GABRG1: variants seen among roughly 807,000 people sequenced by gnomAD.
The protein encoded by GABRG1 is gamma-aminobutyric acid type A receptor subunit gamma1.
In GABRG1, 49 loss-of-function variants were observed where a neutral mutation model predicts 49.8. The ratio of observed to expected loss-of-function variants is 0.98; its 90% CI spans 0.78 to 1.25. The LOEUF is 1.25. GABRG1 is among the 50% of genes most tolerant of loss of function. The probability of loss-of-function intolerance (pLI) is 0.00; values close to 1 mark genes in which losing one functional copy is unlikely to be tolerated. For missense variants in GABRG1, 552 were observed against 552.3 expected (o/e 1.00, Z 0.01); for synonymous variants, 232 against 185.1 (o/e 1.25, Z -2.06).
intron 1 of GABRG1, among the ~76,000 whole-genome samples, chr4:46,099,703 A>T (rs1720310201): frequency 6.6e-6 from 1 of 151,702 alleles, no homozygotes; most frequent in Admixed American, 6.6e-5. Context: ...CCCTCAAGTT[A>T]AGTATATCAC....
At chr4:46,087,545 T>C (rs1313232422) in intron 2 of GABRG1, among the ~76,000 whole-genome samples, 1 of 151,718 alleles carries the variant, frequency 6.6e-6, no homozygotes, top group African/African-American at 2.4e-5. Context: ...AATTTTTCAA[T>C]AGTAAATAAA....
chr4:46,063,615 C>T (rs558286474), intron 5 of GABRG1, among the ~76,000 whole-genome samples: 122 of 152,214 alleles, frequency 8.0e-4, no homozygotes, highest in African/African-American at 2.8e-3. Context: ...AGGATATAGG[C>T]ATGGGCAAGG....
In GABRG1 at chr4:46,039,274, G is replaced by A. The variant is rs1030615168; in HGVS notation, c.*1714C>T. On this transcript the variant is annotated 3_prime_UTR_variant, in exon 9 of 9. Transcript: ENST00000295452. Reference sequence around the variant, plus strand: ...GAAAAGCAGTGTCGGTGGATATTGGGCATTACCATTTGATTCATGCTTATT... The same window carrying A: ...GAAAAGCAGTGTCGGTGGATATTGGACATTACCATTTGATTCATGCTTATT... 2 of 150,938 alleles carry A rather than the reference G, an allele frequency of 1.3e-5. No homozygotes were observed. Among genetic ancestry groups the A allele is most frequent in the Non-Finnish European group, 3.0e-5 (2 of 67,652 alleles). The allele number at this position is 150,938 out of a possible 1,614,324, so 9.3% of individuals were successfully genotyped here. A position where few individuals can be genotyped will look rare whatever the true frequency, so the allele number is the denominator to read the frequency against.
intron 7 of GABRG1, among the ~76,000 whole-genome samples, chr4:46,057,727 A>T (rs1456684022): frequency 6.6e-6 from 1 of 152,138 alleles, no homozygotes; most frequent in East Asian, 1.9e-4. Flanking sequence ...CACAGAAGCC[A>T]GGGAGCGTCT....
intron 5 of GABRG1, among the ~76,000 whole-genome samples, chr4:46,060,261 G>A (rs1718624806): frequency 6.7e-6 from 1 of 149,304 alleles, no homozygotes; most frequent in South Asian, 2.1e-4. Context: ...GGTTGTATGT[G>A]TGTGTGTGTG....
At chr4:46,058,421 T>C (rs777219393) in intron 6 of GABRG1, 52 bp from the exon 7 acceptor site, 33 of 1,594,740 alleles carry the variant, frequency 2.1e-5, no homozygotes, top group Non-Finnish European at 2.7e-5. Flanking sequence ...TCACAATCCA[T>C]ATATTTAAAA....
At chr4:46,119,048 C>T (rs763658403) in intron 1 of GABRG1, among the ~76,000 whole-genome samples, 3 of 150,980 alleles carry the variant, frequency 2.0e-5, no homozygotes, top group Non-Finnish European at 4.5e-5. Flanking sequence ...CCATTCAATT[C>T]CTCAGTAAAC....
chr4:46,051,501 C>T lies in GABRG1; in HGVS notation c.1054G>A (p.Gly352Arg). The T allele has an allele frequency of 1.2e-6, 2 of 1,611,254 alleles. No homozygotes were observed. The highest frequency in any genetic ancestry group is 1.7e-6 in the Non-Finnish European group (2 of 1,178,394). Residue 352 changes from glycine (G) to arginine (R), a missense_variant, in exon 8 of 9, where the codon GGA becomes AGA. Coordinates refer to ENST00000295452, the MANE Select transcript of GABRG1 (RefSeq NM_173536.4). ...IFVFAALMEY[G>R]TLHYFTSNQK... ...TTGCTGGTAAAATAATGCAAGGTTC[C>T]ATATTCCATCAAGGCTGCAAAAACA...
At chr4:46,053,530 G>T (rs1009120016) in intron 7 of GABRG1, among the ~76,000 whole-genome samples, 4 of 151,748 alleles carry the variant, frequency 2.6e-5, no homozygotes, top group African/African-American at 7.3e-5. Context: ...TATGGTAAAG[G>T]CTAAAAAAAT....
chr4:46,118,070 G>GTGTGTATATATATACATATGTATACATA (rs2109446646), intron 1 of GABRG1, among the ~76,000 whole-genome samples: 1 of 135,340 alleles, frequency 7.4e-6, no homozygotes, highest in Admixed American at 7.3e-5. Flanking sequence ...ATACATATGT[G>GTGTGTATATATATACATATGTATACATA]TGTGTATATA....
chr4:46,078,209 CAATTAATCACATCT>C (rs1235209795), intron 3 of GABRG1, among the ~76,000 whole-genome samples: 1 of 151,772 alleles, frequency 6.6e-6, no homozygotes, highest in Non-Finnish European at 1.5e-5. Context: ...TAAAGTACTG[CAATTAATCACATCT>C]AAGAAGACTA....
chr4:46,041,873 C>T (rs2109391128), intron 8 of GABRG1, among the ~76,000 whole-genome samples: 1 of 152,042 alleles, frequency 6.6e-6, no homozygotes, highest in African/African-American at 2.4e-5. Context: ...CACCTAATTT[C>T]TGTGATAGCT....
chr4:46,058,943 T>C (rs948150716), intron 5 of GABRG1, among the ~76,000 whole-genome samples: 4 of 152,130 alleles, frequency 2.6e-5, no homozygotes, highest in African/African-American at 9.6e-5. Context: ...CGATGATCTT[T>C]TCTTTTTAAT....
chr4:46,042,839 A>T (rs963988423), intron 8 of GABRG1, among the ~76,000 whole-genome samples: 5 of 151,966 alleles, frequency 3.3e-5, no homozygotes, highest in African/African-American at 1.2e-4. Context: ...CACCTTGAGG[A>T]TAAGGAGAAA....
intron 1 of GABRG1, among the ~76,000 whole-genome samples, chr4:46,121,174 T>A (rs995678506): frequency 6.6e-6 from 1 of 151,910 alleles, no homozygotes; most frequent in Non-Finnish European, 1.5e-5. Flanking sequence ...AAAAAAATGC[T>A]TCCAATTTGG....
intron 1 of GABRG1, among the ~76,000 whole-genome samples, chr4:46,116,347 T>A (rs1427490981): frequency 6.6e-6 from 1 of 150,872 alleles, no homozygotes; most frequent in Non-Finnish European, 1.5e-5. Flanking sequence ...CATTTTTAAG[T>A]TCATTTTCAT....
chr4:46,036,740 G>T lies in GABRG1; in HGVS notation c.*4248C>A, dbSNP rs1297143011. 1 of 152,040 alleles carries T rather than the reference G, an allele frequency of 6.6e-6. No individual in the cohort carries two copies. Among genetic ancestry groups the T allele is most frequent in the East Asian group, 1.9e-4 (1 of 5,164 alleles). 9.4% of individuals were successfully genotyped at this position (152,040 alleles called of 1,614,324 possible). A position where few individuals can be genotyped will look rare whatever the true frequency, so the allele number is the denominator to read the frequency against. On this transcript the variant is annotated 3_prime_UTR_variant, in exon 9 of 9. Transcript: ENST00000295452. Reference sequence around the variant, plus strand: ...CACTATAAGCTTATACGCCTAACTGGCTTGTTATATTCCAAACCATCACAC... The same window carrying T: ...CACTATAAGCTTATACGCCTAACTGTCTTGTTATATTCCAAACCATCACAC...
At chr4:46,073,032 A>G (rs754461816) in intron 3 of GABRG1, among the ~76,000 whole-genome samples, 4 of 151,950 alleles carry the variant, frequency 2.6e-5, no homozygotes, top group South Asian at 4.1e-4. Flanking sequence ...GTTTATGTCA[A>G]GAGTTGTCAT....
At chr4:46,087,511 T>C (rs779936122) in intron 2 of GABRG1, among the ~76,000 whole-genome samples, 8 of 150,732 alleles carry the variant, frequency 5.3e-5, no homozygotes, top group Non-Finnish European at 1.2e-4. Context: ...AATCCATGAA[T>C]CAGGAAAAAG....
Sources: gnomAD v4.1 joint callset for allele counts (sites outside exome capture counted in the v4.1 genomes callset) on GRCh38, gnomAD v4.1.1 for gene constraint, MANE v1.5 for transcripts, NCBI Gene and HGNC (gene_info 2026-07-23, HGNC 2026-07-21) for gene names.